The following CADM2 variants were observed in gnomAD, a reference collection of about 807,000 sequenced individuals.
The protein encoded by CADM2 is immunoglobulin superfamily member 4D.
In CADM2, 12 loss-of-function variants were observed where a neutral mutation model predicts 49.8. That is an observed-to-expected ratio of 0.24 (90% CI 0.15 to 0.39). CADM2 has a LOEUF of 0.39. Among genes scored for constraint, CADM2 ranks in the 10% least tolerant of loss-of-function variants. The probability of loss-of-function intolerance (pLI) is 1.00; values close to 1 mark genes in which losing one functional copy is unlikely to be tolerated. For synonymous variants in CADM2, 214 were observed against 175.4 expected (o/e 1.22, Z -1.74); for missense variants, 378 against 492.3 (o/e 0.77, Z 2.20).
intron 7 of CADM2, among the ~76,000 whole-genome samples, chr3:85,948,688 A>G (rs1027925296): frequency 9.2e-5 from 14 of 151,406 alleles, no homozygotes; most frequent in African/African-American, 3.4e-4. Flanking sequence ...AAACGTATAG[A>G]AGCTTCTAAA....
chr3:85,025,428 C>A (rs2034683587), intron 1 of CADM2, among the ~76,000 whole-genome samples: 1 of 152,164 alleles, frequency 6.6e-6, no homozygotes, highest in African/African-American at 2.4e-5. Context: ...TACTCACTAG[C>A]ATCATTTGTT....
At chr3:85,130,680 A>G (rs1478643686) in intron 1 of CADM2, among the ~76,000 whole-genome samples, 4 of 152,216 alleles carry the variant, frequency 2.6e-5, no homozygotes. Context: ...GGTGTTTTAA[A>G]TTAATTATAG....
chr3:85,196,296 T>C (rs952812738), intron 1 of CADM2, among the ~76,000 whole-genome samples: 1 of 152,016 alleles, frequency 6.6e-6, no homozygotes, highest in African/African-American at 2.4e-5. Flanking sequence ...TTATTTTGTG[T>C]TAACAAAAAT....
At chr3:86,064,162 C>T (rs1432624565) in intron 8 of CADM2, among the ~76,000 whole-genome samples, 1 of 151,808 alleles carries the variant, frequency 6.6e-6, no homozygotes, top group Admixed American at 6.6e-5. Context: ...CCCAGTAACT[C>T]GTCATTTACA....
At chr3:85,207,692 A>G (rs1458867872) in intron 1 of CADM2, among the ~76,000 whole-genome samples, 1 of 152,208 alleles carries the variant, frequency 6.6e-6, no homozygotes, top group Non-Finnish European at 1.5e-5. Flanking sequence ...AAAGACATTT[A>G]AGTTCAGTTA....
intron 1 of CADM2, among the ~76,000 whole-genome samples, chr3:85,352,436 C>A (rs73845435): frequency 0.034 from 5,245 of 152,082 alleles, 259 homozygotes; most frequent in African/African-American, 0.11. Flanking sequence ...GTGAAAAAAA[C>A]CAGCTAATTT....
At chr3:85,088,711 G>C (rs2037478307) in intron 1 of CADM2, among the ~76,000 whole-genome samples, 1 of 151,956 alleles carries the variant, frequency 6.6e-6, no homozygotes, top group Non-Finnish European at 1.5e-5. Flanking sequence ...GACCTATTAT[G>C]AATTATTTAA....
intron 6 of CADM2, among the ~76,000 whole-genome samples, chr3:85,922,200 C>T (rs999199409): frequency 1.3e-5 from 2 of 151,472 alleles, no homozygotes; most frequent in African/African-American, 4.9e-5. Flanking sequence ...CTTTCCTTCT[C>T]CTTCTTCCCC....
At chr3:85,179,082 A>G (rs1464167940) in intron 1 of CADM2, among the ~76,000 whole-genome samples, 1 of 151,980 alleles carries the variant, frequency 6.6e-6, no homozygotes, top group Non-Finnish European at 1.5e-5. Flanking sequence ...TTACTGAGGT[A>G]TAAGTGAAAA....
rs1243012836 is a variant in CADM2, at chr3:84,967,371, C to T, written c.61+7703C>T. ...TATTTTATATTAACTTCTCCTGTAT[C>T]CCCCATGGGGGAAAGTGTCCATGAC... On this transcript the variant is annotated intron_variant, in intron 1 of 9. Coordinates refer to ENST00000383699, the MANE Select transcript of CADM2 (RefSeq NM_001167675.2). Among the ~76,000 whole-genome samples the T allele has an allele frequency of 2.0e-5, 3 of 152,092 alleles. No individual in the cohort carries two copies. The East Asian group carries it at 5.8e-4, about 29-fold the overall frequency.
chr3:85,602,793 C>A (rs2063445461), intron 1 of CADM2, among the ~76,000 whole-genome samples: 1 of 151,812 alleles, frequency 6.6e-6, no homozygotes, highest in South Asian at 2.1e-4. Context: ...CAGAGGTGTT[C>A]ATTCATGTTA....
At chr3:85,027,253 G>A (rs916872228) in intron 1 of CADM2, among the ~76,000 whole-genome samples, 5 of 150,614 alleles carry the variant, frequency 3.3e-5, no homozygotes, top group Non-Finnish European at 7.4e-5. Flanking sequence ...TAGTTAGGAC[G>A]TCAAGCGCCC....
In CADM2 at chr3:86,071,472, A is replaced by T. The variant is rs1739861793; in HGVS notation, c.*4689A>T. On this transcript the variant is annotated 3_prime_UTR_variant, in exon 10 of 10. Coordinates refer to ENST00000383699, the MANE Select transcript of CADM2 (RefSeq NM_001167675.2). Reference sequence around the variant, plus strand: ...GGGTTCTAAAATCATCAGCATTTTTATGTATTGAGATTATTAATATTGAAT... The same window carrying T: ...GGGTTCTAAAATCATCAGCATTTTTTTGTATTGAGATTATTAATATTGAAT... The T allele has an allele frequency of 6.6e-6, 1 of 151,876 alleles. No individual in the cohort carries two copies. Among genetic ancestry groups the T allele is most frequent in the Non-Finnish European group, 1.5e-5 (1 of 67,818 alleles). The allele number at this position is 151,876 out of a possible 1,614,324, so 9.4% of individuals were successfully genotyped here.
chr3:85,018,557 G>A (rs1301857192), intron 1 of CADM2, among the ~76,000 whole-genome samples: 2 of 151,998 alleles, frequency 1.3e-5, no homozygotes, highest in Non-Finnish European at 2.9e-5. Flanking sequence ...GTTTCACCAT[G>A]TTGGCTAGGC....
rs191477808 is a variant in CADM2 at position 85,377,243 on chromosome 3, G to C, written c.62-349279G>C. On this transcript the variant is annotated intron_variant, in intron 1 of 9. Coordinates refer to ENST00000383699, the MANE Select transcript of CADM2 (RefSeq NM_001167675.2). ...ATTTTGTGCTTTGTGACAAACAAAA[G>C]TATGATTAGTGAAGCTGTAAAGTTC... 9.2e-5 allele frequency among the ~76,000 whole-genome samples: 14 copies of C among 152,152 alleles called. No homozygotes were observed. The East Asian group carries it at 2.5e-3, about 27-fold the overall frequency.
At chr3:85,001,775 T>C (rs757816635) in intron 1 of CADM2, among the ~76,000 whole-genome samples, 19 of 152,118 alleles carry the variant, frequency 1.2e-4, no homozygotes, top group Non-Finnish European at 2.4e-4. Context: ...TTAATATCTC[T>C]GAGACCTTTG....
chr3:85,182,092 G>A (rs2040949774), intron 1 of CADM2, among the ~76,000 whole-genome samples: 1 of 151,700 alleles, frequency 6.6e-6, no homozygotes, highest in South Asian at 2.1e-4. Context: ...TAAATTGAAT[G>A]CAAAATTAGT....
intron 1 of CADM2, among the ~76,000 whole-genome samples, chr3:85,362,121 G>T (rs1038338016): frequency 6.6e-6 from 1 of 152,086 alleles, no homozygotes; most frequent in African/African-American, 2.4e-5. Flanking sequence ...TAAGTGACAG[G>T]ACCCGCCCAA....
At chr3:85,495,279 A>T (rs912009855) in intron 1 of CADM2, among the ~76,000 whole-genome samples, 14 of 152,156 alleles carry the variant, frequency 9.2e-5, no homozygotes, top group Non-Finnish European at 2.1e-4. Context: ...TCACTCTGTG[A>T]TTGATGATCT....
Sources: allele counts gnomAD v4.1 joint callset (sites outside exome capture counted in the v4.1 genomes callset), GRCh38; gene constraint gnomAD v4.1.1; transcripts MANE v1.5; gene names NCBI Gene and HGNC (gene_info 2026-07-23, HGNC 2026-07-21).